The following PARP14 variants were observed in gnomAD, a reference collection of about 807,000 sequenced individuals.
PARP14 encodes poly(ADP-ribose) polymerase family member 14.
Under a neutral mutation model 154.2 loss-of-function variants are expected in PARP14, and 59 were observed. The observed-to-expected ratio is 0.38, with a 90% CI of 0.31 to 0.48. The LOEUF (loss-of-function observed/expected upper bound fraction) is 0.48. PARP14 is among the 20% of genes least tolerant of loss of function. PARP14 has a pLI of 0.98. For missense variants in PARP14, 1,734 were observed against 2,131.6 expected (o/e 0.81, Z 3.67); for synonymous variants, 720 against 780.5 (o/e 0.92, Z 1.29).
chr3:122,704,378 G>A (rs2107646344), intron 7 of PARP14, 149 bp from the exon 8 acceptor site: 3 of 599,612 alleles, frequency 5.0e-6, no homozygotes, highest in Admixed American at 6.4e-5. Context: ...GCCTTCTCCT[G>A]TATTTTTCTT....
At chr3:122,683,608 T>G (rs954390453) in intron 1 of PARP14, among the ~76,000 whole-genome samples, 11 of 152,192 alleles carry the variant, frequency 7.2e-5, no homozygotes, top group Admixed American at 4.6e-4. Flanking sequence ...AAATTAAATG[T>G]TGATGATCTA....
chr3:122,705,302 A>G (rs1325186241), intron 8 of PARP14, among the ~76,000 whole-genome samples: 4 of 152,216 alleles, frequency 2.6e-5, no homozygotes, highest in Non-Finnish European at 5.9e-5. Context: ...TTGTGTTTGA[A>G]TCAGAATCCA....
At position 122,713,459 on chromosome 3, in the gene PARP14, G is replaced by T; in HGVS notation, c.3655G>T (p.Val1219Leu). 1 of 1,613,652 alleles carries T rather than the reference G, an allele frequency of 6.2e-7. No individual in the cohort carries two copies. Among genetic ancestry groups the T allele is most frequent in the South Asian group, 1.1e-5 (1 of 91,062 alleles). ...GACTGTTTCTAGCCCTGATTCAGGT[G>T]TGTATGAAATGAAGATTGGCTCCAT... is the stretch of plus-strand genomic sequence containing the variant. ...YGTVSSPDSG[V>L]YEMKIGSIIF... is the part of the protein sequence containing the mutation. The change falls in exon 10 of 17, where the codon GTG (valine) becomes TTG (leucine). Residue 1219 changes from valine (V) to leucine (L), a missense_variant. Physicochemically the swap from Val to Leu is conservative, Grantham distance 32 (BLOSUM62 1). Coordinates refer to ENST00000474629, the MANE Select transcript of PARP14 (RefSeq NM_017554.3).
At chr3:122,682,099 A>C (rs1234299107) in intron 1 of PARP14, among the ~76,000 whole-genome samples, 1 of 152,204 alleles carries the variant, frequency 6.6e-6, no homozygotes, top group Non-Finnish European at 1.5e-5. Context: ...GGAAGGAAGG[A>C]GGGGGACAGG....
chr3:122,725,895 T>G (rs940693526), intron 15 of PARP14, among the ~76,000 whole-genome samples: 4 of 151,364 alleles, frequency 2.6e-5, no homozygotes, highest in African/African-American at 9.8e-5. Flanking sequence ...ATTATTTCTA[T>G]TTCATTTTCA....
chr3:122,715,129 T>C (rs4677971), intron 12 of PARP14, among the ~76,000 whole-genome samples: 67,730 of 151,716 alleles, frequency 0.45, 16,031 homozygotes, highest in South Asian at 0.54. Flanking sequence ...TATACTGGGG[T>C]ACATGGGCAG....
Position 122,695,656 on chromosome 3 carries a change from A to C in PARP14, c.829A>C (p.Arg277=), listed in dbSNP as rs377675240. 4.0e-6 allele frequency: 6 copies of C among 1,495,946 alleles called. No homozygotes were observed. In the African/African-American group the frequency reaches 6.9e-5, roughly 17 times the overall value. The allele number at this position is 1,495,946 out of a possible 1,614,324, so 92.7% of individuals were successfully genotyped here. A position where few individuals can be genotyped will look rare whatever the true frequency, so the allele number is the denominator to read the frequency against. ...ESSALIEFFD[R]KVLDTIMATK... is the part of the protein sequence containing the mutation. ...TTCAGCTCTGATTGAATTTTTTGAC[A>C]GAAAAGGTAATATTTATTAACCTGT... Residue 277 remains arginine, a synonymous_variant, in exon 5 of 17, where the codon AGA becomes CGA. Coordinates refer to ENST00000474629, the MANE Select transcript of PARP14 (RefSeq NM_017554.3).
rs1307432377 is a variant in PARP14, at chr3:122,730,670, T to C, written c.*2073T>C. The C allele has an allele frequency of 6.6e-6, 1 of 152,656 alleles. No individual in the cohort carries two copies. Among genetic ancestry groups the C allele is most frequent in the Non-Finnish European group, 1.5e-5 (1 of 68,042 alleles). The allele number at this position is 152,656 out of a possible 1,614,324, so 9.5% of individuals were successfully genotyped here. ...ATTGGAATAAAAAAGAGAGACCTGC[T>C]GTTATTCGCTTTTGTTCTCCAGTGA... On this transcript the variant is annotated 3_prime_UTR_variant, in exon 17 of 17. Coordinates refer to ENST00000474629, the MANE Select transcript of PARP14 (RefSeq NM_017554.3).
chr3:122,682,800 C>T (rs1042262449), intron 1 of PARP14, among the ~76,000 whole-genome samples: 7 of 152,130 alleles, frequency 4.6e-5, no homozygotes, highest in Admixed American at 4.6e-4. Flanking sequence ...GCCTGTTAAT[C>T]CCAGCACTTT....
intron 15 of PARP14, among the ~76,000 whole-genome samples, chr3:122,723,959 A>T (rs1006362511): frequency 1.3e-5 from 2 of 152,118 alleles, no homozygotes; most frequent in African/African-American, 4.8e-5. Flanking sequence ...TTTGAAAAAA[A>T]TCAGTATGTT....
chr3:122,717,750 G>T (rs574197129), intron 12 of PARP14, among the ~76,000 whole-genome samples: 1 of 152,318 alleles, frequency 6.6e-6, no homozygotes, highest in East Asian at 1.9e-4. Context: ...AGCTACTTGT[G>T]CTCTGTAATA....
At chr3:122,712,643 C>A (rs1317945306) in intron 9 of PARP14, among the ~76,000 whole-genome samples, 1 of 152,036 alleles carries the variant, frequency 6.6e-6, no homozygotes, top group Non-Finnish European at 1.5e-5. Flanking sequence ...GCCTCAACCT[C>A]TGGGGGCTCA....
At chr3:122,715,595 C>CATCTGTCT (rs1932973652) in intron 12 of PARP14, among the ~76,000 whole-genome samples, 1 of 142,468 alleles carries the variant, frequency 7.0e-6, no homozygotes, top group Non-Finnish European at 1.5e-5. Context: ...CTCTACCAGT[C>CATCTGTCT]ATCTATCTAT....
At chr3:122,727,496 A>G (rs1290309091) in intron 15 of PARP14, among the ~76,000 whole-genome samples, 1 of 152,246 alleles carries the variant, frequency 6.6e-6, no homozygotes, top group African/African-American at 2.4e-5. Flanking sequence ...AGCAGTCATT[A>G]GAGTATGTGT....
chr3:122,708,412 G>C, intron 9 of PARP14, 144 bp downstream of exon 9: 2 of 614,128 alleles, frequency 3.3e-6, no homozygotes, highest in Non-Finnish European at 5.8e-6. Context: ...ATATACCTGA[G>C]CATGTAAGAC....
At chr3:122,683,283 T>G (rs1026219989) in intron 1 of PARP14, 39 of 984,650 alleles carry the variant, frequency 4.0e-5, no homozygotes, top group Admixed American at 6.2e-5. Context: ...CCACCCTCCA[T>G]GCCAGGAAGT....
intron 9 of PARP14, among the ~76,000 whole-genome samples, chr3:122,710,930 A>G (rs1430711193): frequency 6.6e-6 from 1 of 151,880 alleles, no homozygotes; most frequent in Admixed American, 6.6e-5. Flanking sequence ...ATTTGTGTAC[A>G]TTGATTTTTT....
In PARP14 at chr3:122,728,364, G is replaced by T. The variant is rs1286097846; in HGVS notation, c.5173G>T (p.Asp1725Tyr). 1 of 1,613,396 alleles carries T rather than the reference G, an allele frequency of 6.2e-7. No homozygotes were observed. Among genetic ancestry groups the T allele is most frequent in the Non-Finnish European group, 8.5e-7 (1 of 1,179,434 alleles). ...FAVNANYSAN[D>Y]TYSRPDANGR... ...TGTCAATGCCAATTATTCTGCCAAT[G>T]ATACGTACTCCAGACCAGATGCAAA... Residue 1725 changes from aspartate to tyrosine, a missense_variant, in exon 17 of 17, where the codon GAT (aspartate) becomes TAT (tyrosine). This residue lies in a region of PARP14 where 88 missense variants were observed against 155.6 expected (regional missense o/e 0.57). Coordinates refer to ENST00000474629, the MANE Select transcript of PARP14 (RefSeq NM_017554.3).
intron 8 of PARP14, among the ~76,000 whole-genome samples, chr3:122,705,823 C>G (rs1042752096): frequency 6.6e-6 from 1 of 152,200 alleles, no homozygotes. Context: ...GAATTCTGAT[C>G]AGGCAGCCAA....
Sources: gnomAD v4.1 joint callset for allele counts (sites outside exome capture counted in the v4.1 genomes callset) on GRCh38, gnomAD v4.1.1 for gene constraint, gnomAD v4.1.1 regional missense constraint, MANE v1.5 for transcripts, NCBI Gene and HGNC (gene_info 2026-07-23, HGNC 2026-07-21) for gene names.